The following CNTN4 variants were observed in gnomAD, a reference collection of about 807,000 sequenced individuals.
CNTN4 encodes contactin 4.
A neutral mutation model predicts 122.5 loss-of-function variants in CNTN4; 77 were observed. The observed-to-expected ratio is 0.63, with a 90% CI of 0.52 to 0.76. CNTN4 has a LOEUF of 0.76. CNTN4 is among the 30% of genes least tolerant of loss of function. The pLI, the probability that CNTN4 is intolerant of heterozygous loss-of-function variation, is 0.00. For synonymous variants in CNTN4, 512 were observed against 447.0 expected (o/e 1.15, Z -1.83); for missense variants, 1,256 against 1,259.1 (o/e 1.00, Z 0.04).
intron 4 of CNTN4, among the ~76,000 whole-genome samples, chr3:2,652,654 G>A (rs556353040): frequency 2.4e-3 from 362 of 152,182 alleles, no homozygotes; most frequent in Non-Finnish European, 3.9e-3. Flanking sequence ...AGAGCACAGG[G>A]ACTTGTCCAA....
intron 2 of CNTN4, among the ~76,000 whole-genome samples, chr3:2,315,634 A>T (rs2043072272): frequency 6.6e-6 from 1 of 152,104 alleles, no homozygotes; most frequent in Non-Finnish European, 1.5e-5. Flanking sequence ...AGACACCCTG[A>T]ACTGGCCCAT....
At chr3:2,987,721 C>T (rs1375799861) in intron 13 of CNTN4, among the ~76,000 whole-genome samples, 2 of 152,166 alleles carry the variant, frequency 1.3e-5, no homozygotes, top group Non-Finnish European at 2.9e-5. Context: ...CATTTTCTTC[C>T]CTGCAGAAAG....
chr3:2,446,668 AAC>A (rs1425367977), intron 3 of CNTN4, among the ~76,000 whole-genome samples: 1 of 152,194 alleles, frequency 6.6e-6, no homozygotes, highest in Non-Finnish European at 1.5e-5. Context: ...GCTATAAATA[AAC>A]ACACTCGGTT....
chr3:2,212,817 G>A (rs947271693), intron 2 of CNTN4, among the ~76,000 whole-genome samples: 1 of 152,198 alleles, frequency 6.6e-6, no homozygotes, highest in Non-Finnish European at 1.5e-5. Flanking sequence ...TATCTGAGAT[G>A]AGAACCAAAG....
chr3:2,117,358 C>G lies in CNTN4; in HGVS notation c.-145+16719C>G, dbSNP rs961414245. 2.0e-5 allele frequency among the ~76,000 whole-genome samples: 3 copies of G among 152,198 alleles called. No homozygotes were observed. In the South Asian group the frequency reaches 6.2e-4, roughly 32 times the overall value. On this transcript the variant is annotated intron_variant, in intron 2 of 24. Transcript: ENST00000418658. ...GGCCCCACACTGGGCCTTTCATGCC[C>G]TTTCTGGGCACACTACCCTCCAGGA...
Position 2,390,366 on chromosome 3 carries a change from A to G in CNTN4, c.-89+51133A>G, listed in dbSNP as rs777127231. Among the ~76,000 whole-genome samples the G allele has an allele frequency of 2.0e-5, 3 of 152,024 alleles. No individual in the cohort carries two copies. The East Asian group carries it at 5.8e-4, about 29-fold the overall frequency. ...TATTGCAACTTTCTGTAAGTCTGAA[A>G]TGATCATAAAAGTTAAGAAAGATGC... On this transcript the variant is annotated intron_variant, in intron 3 of 24. Coordinates refer to ENST00000418658, the MANE Select transcript of CNTN4 (RefSeq NM_175607.3).
intron 3 of CNTN4, among the ~76,000 whole-genome samples, chr3:2,410,230 C>T (rs896441514): frequency 6.6e-6 from 1 of 152,204 alleles, no homozygotes; most frequent in Admixed American, 6.5e-5. Flanking sequence ...GTGGGACAGA[C>T]ACTGAAAATC....
In CNTN4 at chr3:3,014,083, CACA is replaced by C. The variant is rs1559789895; in HGVS notation, c.1487-12018_1487-12016del. Among the ~76,000 whole-genome samples the C allele has an allele frequency of 1.1e-3, 163 of 151,790 alleles. 4 individuals are homozygous for C. In the East Asian group the frequency reaches 0.018, roughly 17 times the overall value. The stretch of plus-strand genomic sequence containing the variant: ...ACACACACACACACACACACACACA[CACA>C]CCCCTAGGGGTTTTGTTTGTTTTAA... On this transcript the variant is annotated intron_variant, in intron 14 of 24. Coordinates refer to ENST00000418658, the MANE Select transcript of CNTN4 (RefSeq NM_175607.3).
intron 14 of CNTN4, among the ~76,000 whole-genome samples, chr3:3,001,782 T>G (rs532823662): frequency 6.6e-6 from 1 of 152,326 alleles, no homozygotes; most frequent in East Asian, 1.9e-4. Context: ...GATGGGGATT[T>G]GAGAAGACGA....
intron 6 of CNTN4, among the ~76,000 whole-genome samples, chr3:2,760,661 A>G (rs1360356781): frequency 1.3e-5 from 2 of 152,228 alleles, no homozygotes; most frequent in Admixed American, 1.3e-4. Context: ...TGATGCTCAC[A>G]TCGCATGAGC....
At position 2,743,735 on chromosome 3, in the gene CNTN4, G is replaced by C. The variant is rs926129949; in HGVS notation, c.183-1787G>C. ...AAGTGATTTAGGTAAATTATCTACA[G>C]TAAAAGCAGCATTCCTACATAAAGG... On this transcript the variant is annotated intron_variant, in intron 5 of 24. Transcript: ENST00000418658. 6.6e-5 allele frequency among the ~76,000 whole-genome samples: 10 copies of C among 152,346 alleles called. No homozygotes were observed. The East Asian group carries it at 1.9e-3, about 29-fold the overall frequency.
At chr3:2,771,340 T>C (rs563123398) in intron 6 of CNTN4, among the ~76,000 whole-genome samples, 1 of 152,252 alleles carries the variant, frequency 6.6e-6, no homozygotes, top group East Asian at 1.9e-4. Flanking sequence ...CCAGTGAAAA[T>C]TGAAACTGAA....
chr3:2,644,172 A>C (rs1272968103), intron 4 of CNTN4, among the ~76,000 whole-genome samples: 1 of 152,188 alleles, frequency 6.6e-6, no homozygotes, highest in African/African-American at 2.4e-5. Flanking sequence ...GGAAGGGCAG[A>C]TAAGGAAGCC....
intron 2 of CNTN4, among the ~76,000 whole-genome samples, chr3:2,184,317 A>G (rs1377910235): frequency 1.3e-5 from 2 of 152,212 alleles, no homozygotes; most frequent in African/African-American, 4.8e-5. Context: ...CTTCCCTTCC[A>G]GGAAGGGATG....
chr3:2,438,496 C>T (rs996741890), intron 3 of CNTN4, among the ~76,000 whole-genome samples: 53 of 152,116 alleles, frequency 3.5e-4, no homozygotes, highest in African/African-American at 1.3e-3. Flanking sequence ...TACTCCAGCC[C>T]AGGTGAAAGA....
chr3:2,313,311 TA>T (rs2042978843), intron 2 of CNTN4, among the ~76,000 whole-genome samples: 1 of 151,912 alleles, frequency 6.6e-6, no homozygotes, highest in African/African-American at 2.4e-5. Context: ...AAATGGATAA[TA>T]TTTTTATCAA....
intron 3 of CNTN4, among the ~76,000 whole-genome samples, chr3:2,554,782 C>A (rs2078653498): frequency 6.6e-6 from 1 of 152,028 alleles, no homozygotes. Flanking sequence ...GGCATTTAGG[C>A]CATAATTTGT....
At chr3:2,509,586 A>G (rs1410440846) in intron 3 of CNTN4, among the ~76,000 whole-genome samples, 2 of 152,190 alleles carry the variant, frequency 1.3e-5, no homozygotes, top group Non-Finnish European at 2.9e-5. Context: ...GATAATGGGC[A>G]CAGAAGGGTT....
intron 3 of CNTN4, among the ~76,000 whole-genome samples, chr3:2,548,213 C>G (rs1253335352): frequency 1.3e-5 from 2 of 152,050 alleles, no homozygotes; most frequent in Admixed American, 6.5e-5. Context: ...CTTTTGTTGC[C>G]ATTGCTTTTG....
Sources: allele counts gnomAD v4.1 joint callset (sites outside exome capture counted in the v4.1 genomes callset), GRCh38; gene constraint gnomAD v4.1.1; transcripts MANE v1.5; gene names NCBI Gene and HGNC (gene_info 2026-07-23, HGNC 2026-07-21).